The following LINGO2 variants were observed in gnomAD, a reference collection of about 807,000 sequenced individuals.
LINGO2 encodes leucine-rich repeat and immunoglobulin-like domain-containing nogo receptor-interacting protein 2.
In LINGO2, 14 loss-of-function variants were observed where a neutral mutation model predicts 30.6. The observed-to-expected ratio is 0.46, with a 90% confidence interval of 0.30 to 0.72. The LOEUF (loss-of-function observed/expected upper bound fraction) is 0.72. Among genes scored for constraint, LINGO2 ranks in the 30% least tolerant of loss-of-function variants. The pLI, the probability that LINGO2 is intolerant of heterozygous loss-of-function variation, is 0.07. For synonymous variants in LINGO2, 317 were observed against 288.5 expected, an observed-to-expected ratio of 1.10 and a Z score of -1.00; for missense variants, 729 against 751.7, an observed-to-expected ratio of 0.97 and a Z score of 0.35.
At chr9:29,139,094 G>T in the LINGO2 span, among the ~76,000 whole-genome samples, 1 of 152,090 alleles carries the variant, frequency 6.6e-6, no homozygotes, top group African/African-American at 2.4e-5. Flanking sequence ...TTATGGAGAC[G>T]CTTATAAGGC....
intron 2 of LINGO2, among the ~76,000 whole-genome samples, chr9:28,416,877 C>A (rs1454282330): frequency 6.6e-5 from 10 of 152,084 alleles, no homozygotes; most frequent in Admixed American, 2.0e-4. Context: ...CATTTTCCTT[C>A]CATACCTACT....
chr9:28,918,603 C>G, the LINGO2 span, among the ~76,000 whole-genome samples: 1 of 152,110 alleles, frequency 6.6e-6, no homozygotes, highest in Non-Finnish European at 1.5e-5. Flanking sequence ...AAGGAGCCTA[C>G]GTCTCTAATG....
chr9:28,360,659 A>G (rs138604099), intron 3 of LINGO2, among the ~76,000 whole-genome samples: 54 of 152,270 alleles, frequency 3.5e-4, no homozygotes, highest in African/African-American at 1.1e-3. Flanking sequence ...TGTATATGCC[A>G]TTTTCCTTAT....
the LINGO2 span, among the ~76,000 whole-genome samples, chr9:29,110,639 TAC>T: frequency 1.4e-5 from 2 of 147,674 alleles, no homozygotes; most frequent in Non-Finnish European, 3.0e-5. Context: ...CGGCCACAGC[TAC>T]AGTTTTAATA....
the LINGO2 span, among the ~76,000 whole-genome samples, chr9:28,970,567 G>A: frequency 6.6e-6 from 1 of 152,116 alleles, no homozygotes; most frequent in Non-Finnish European, 1.5e-5. Flanking sequence ...GTTTCAGTGT[G>A]CTGAGGGAGG....
intron 2 of LINGO2, among the ~76,000 whole-genome samples, chr9:28,444,311 C>T (rs1824324260): frequency 6.6e-6 from 1 of 152,166 alleles, no homozygotes; most frequent in African/African-American, 2.4e-5. Flanking sequence ...TTGGGGTTCC[C>T]AAAACCAAAG....
At chr9:28,919,924 T>C in the LINGO2 span, among the ~76,000 whole-genome samples, 1 of 152,196 alleles carries the variant, frequency 6.6e-6, no homozygotes, top group Admixed American at 6.5e-5. Context: ...GCTTTCCTCA[T>C]TTAATTTAAA....
At chr9:28,899,216 G>C in the LINGO2 span, among the ~76,000 whole-genome samples, 1 of 152,192 alleles carries the variant, frequency 6.6e-6, no homozygotes, top group Non-Finnish European at 1.5e-5. Context: ...CACAGTGTGA[G>C]AAGAGATACA....
At chr9:28,706,069 C>A in the LINGO2 span, among the ~76,000 whole-genome samples, 2 of 152,070 alleles carry the variant, frequency 1.3e-5, no homozygotes, top group African/African-American at 2.4e-5. Context: ...GGGCACAAAT[C>A]TTCTGTATAC....
intron 1 of LINGO2, 120 bp from the exon 4 acceptor site, chr9:28,476,145 TGAAA>T (rs1240345420): frequency 1.3e-5 from 2 of 152,378 alleles, no homozygotes; most frequent in Non-Finnish European, 2.9e-5. Context: ...TATAAAGGTT[TGAAA>T]GAAACACAGT....
rs577457754 is a variant in LINGO2 at position 28,408,964 on chromosome 9, A to C, written c.-278-36096T>G. On this transcript the variant is annotated intron_variant, in intron 2 of 5. Coordinates refer to ENST00000379992, the Ensembl canonical transcript of LINGO2. Reference sequence around the variant, plus strand: ...AAAAGCTTCTACAAACATTATTAGAAATAAATTTCTCCTGCTTTAATGCCA... The same window carrying C: ...AAAAGCTTCTACAAACATTATTAGACATAAATTTCTCCTGCTTTAATGCCA... Among the ~76,000 whole-genome samples, 6 of 152,014 alleles carry C rather than the reference A, an allele frequency of 3.9e-5. No homozygotes were observed. The South Asian group carries it at 1.2e-3, about 31-fold the overall frequency.
chr9:28,555,867 C>A (rs1384879323), intron 1 of LINGO2, among the ~76,000 whole-genome samples: 4 of 151,996 alleles, frequency 2.6e-5, no homozygotes. Flanking sequence ...AAATGTAATC[C>A]AGCATATAAA....
At chr9:28,558,188 G>T (rs7044082) in intron 1 of LINGO2, among the ~76,000 whole-genome samples, 3,502 of 151,506 alleles carry the variant, frequency 0.023, 143 homozygotes, top group African/African-American at 0.079. Context: ...AAAACAATGG[G>T]TCTGTTGAAC....
At chr9:29,101,804 T>G in the LINGO2 span, among the ~76,000 whole-genome samples, 3 of 152,178 alleles carry the variant, frequency 2.0e-5, no homozygotes, top group Admixed American at 6.5e-5. Context: ...CTTTATCCAG[T>G]CTTCTGTTGA....
At chr9:28,934,780 C>A in the LINGO2 span, among the ~76,000 whole-genome samples, 2 of 152,134 alleles carry the variant, frequency 1.3e-5, no homozygotes, top group African/African-American at 4.8e-5. Flanking sequence ...ATTTGTATGT[C>A]TTAATCTAAA....
chr9:28,197,257 A>C (rs1230190112), intron 4 of LINGO2, among the ~76,000 whole-genome samples: 1 of 152,014 alleles, frequency 6.6e-6, no homozygotes, highest in Non-Finnish European at 1.5e-5. Context: ...AGTTTACATG[A>C]AAAATATATG....
chr9:29,040,812 T>A, the LINGO2 span, among the ~76,000 whole-genome samples: 30 of 151,966 alleles, frequency 2.0e-4, no homozygotes, highest in Admixed American at 1.4e-3. Context: ...AATTAGTTTA[T>A]AATAATAGAG....
the LINGO2 span, among the ~76,000 whole-genome samples, chr9:28,910,292 A>T: frequency 6.6e-6 from 1 of 151,772 alleles, no homozygotes; most frequent in Non-Finnish European, 1.5e-5. Flanking sequence ...TGACTGTCAC[A>T]TATAAATGCT....
intron 4 of LINGO2, among the ~76,000 whole-genome samples, chr9:28,195,726 C>T (rs13290266): frequency 0.1 from 15,733 of 151,200 alleles, 893 homozygotes; most frequent in Middle Eastern, 0.14. Context: ...AGTAAATCTC[C>T]TATTTATTCA....
Sources: allele counts gnomAD v4.1 joint callset (sites outside exome capture counted in the v4.1 genomes callset), GRCh38; gene constraint gnomAD v4.1.1; transcripts MANE v1.5; gene names NCBI Gene and HGNC (gene_info 2026-07-23, HGNC 2026-07-21).